ARL5B: variants seen among roughly 807,000 people sequenced by gnomAD.
The protein encoded by ARL5B is ARF like GTPase 5B, also known as ADP-ribosylation factor-like protein 5B.
In ARL5B, 10 loss-of-function variants were observed where a neutral mutation model predicts 26.9. The ratio of observed to expected loss-of-function variants is 0.37; its 90% CI spans 0.23 to 0.63. The LOEUF (loss-of-function observed/expected upper bound fraction) is 0.63, where lower values mean the gene tolerates loss of function less well. Among genes scored for constraint, ARL5B ranks in the 30% least tolerant of loss-of-function variants. The pLI is 0.62. For synonymous variants in ARL5B, 87 were observed against 70.4 expected, an observed-to-expected ratio of 1.24 and a Z score of -1.18; for missense variants, 167 against 213.9, an observed-to-expected ratio of 0.78 and a Z score of 1.37.
intron 1 of ARL5B, among the ~76,000 whole-genome samples, chr10:18,663,546 CTTTTTT>C (rs10645351): frequency 1.0e-5 from 1 of 97,948 alleles, no homozygotes; most frequent in African/African-American, 4.1e-5. Flanking sequence ...TTATTCTGCT[CTTTTTT>C]TTTTTTTTTT....
In ARL5B at chr10:18,675,227, T is replaced by C; in HGVS notation, c.*11T>C. The C allele has an allele frequency of 6.2e-7, 1 of 1,611,832 alleles. No homozygotes were observed. The highest frequency in any genetic ancestry group is 8.5e-7 in the Non-Finnish European group (1 of 1,177,948). Reference sequence around the variant, plus strand: ...ATTGGTGTGAGATAACTTTTTTGCTTGAAAGAGACTGCTCTATTTATTCTG... The same window carrying C: ...ATTGGTGTGAGATAACTTTTTTGCTCGAAAGAGACTGCTCTATTTATTCTG... On this transcript the variant is annotated 3_prime_UTR_variant, in exon 6 of 6. Coordinates refer to ENST00000377275, the MANE Select transcript of ARL5B (RefSeq NM_178815.5).
chr10:18,669,279 G>T (rs183905399), intron 3 of ARL5B, among the ~76,000 whole-genome samples: 3 of 152,220 alleles, frequency 2.0e-5, no homozygotes, highest in African/African-American at 7.2e-5. Context: ...TGTCTCCAGG[G>T]TTGGAGAGAT....
intron 1 of ARL5B, among the ~76,000 whole-genome samples, chr10:18,664,096 G>A (rs2059849654): frequency 6.6e-6 from 1 of 152,048 alleles, no homozygotes; most frequent in Admixed American, 6.6e-5. Flanking sequence ...TAGGACTATA[G>A]GCACCTGCCA....
chr10:18,681,132 G>C lies in ARL5B; in HGVS notation c.*5916G>C, dbSNP rs2059930304. 1 of 152,096 alleles carries C rather than the reference G, an allele frequency of 6.6e-6. No homozygotes were observed. Among genetic ancestry groups the C allele is most frequent in the South Asian group, 2.1e-4 (1 of 4,832 alleles). The allele number at this position is 152,096 out of a possible 1,614,324, so 9.4% of individuals were successfully genotyped here. A position where few individuals can be genotyped will look rare whatever the true frequency, so the allele number is the denominator to read the frequency against. ...ATTAATAAGGTCAGAATTAGGAATTGGATTGCTCTGTGGGTCCTCCGGTAT... is the reference window on the plus strand; with the variant it reads ...ATTAATAAGGTCAGAATTAGGAATTCGATTGCTCTGTGGGTCCTCCGGTAT... On this transcript the variant is annotated 3_prime_UTR_variant, in exon 6 of 6. Transcript: ENST00000377275.
intron 1 of ARL5B, among the ~76,000 whole-genome samples, chr10:18,661,127 G>A (rs2059833884): frequency 6.6e-6 from 1 of 152,216 alleles, no homozygotes; most frequent in Admixed American, 6.5e-5. Flanking sequence ...GGAATTACAG[G>A]TGTGAGCCAC....
At chr10:18,662,811 C>G in intron 1 of ARL5B, among the ~76,000 whole-genome samples, 1 of 151,360 alleles carries the variant, frequency 6.6e-6, no homozygotes, top group East Asian at 1.9e-4. Context: ...TCAAGCAATT[C>G]TCCTGCCTCA....
chr10:18,660,604 C>G lies in ARL5B; in HGVS notation c.46+921C>G, dbSNP rs559673478. Among the ~76,000 whole-genome samples, 5 of 152,204 alleles carry G rather than the reference C, an allele frequency of 3.3e-5. No homozygotes were observed. In the South Asian group the frequency reaches 1.0e-3, roughly 32 times the overall value. ...GTTACTGCTAATGTAGGTATCTAAT[C>G]TTTTTCTGGATTTAAGAAGTTGTGG... is the stretch of plus-strand genomic sequence containing the variant. On this transcript the variant is annotated intron_variant, in intron 1 of 5. Coordinates refer to ENST00000377275, the MANE Select transcript of ARL5B (RefSeq NM_178815.5).
chr10:18,674,171 T>C, intron 5 of ARL5B, 36 bp downstream of exon 5: 1 of 1,560,042 alleles, frequency 6.4e-7, no homozygotes, highest in East Asian at 2.3e-5. Context: ...TATGACTTCT[T>C]TCAAATTTCT....
At chr10:18,668,383 C>A in intron 2 of ARL5B, 147 bp from the exon 3 acceptor site, 1 of 732,890 alleles carries the variant, frequency 1.4e-6, no homozygotes, top group Non-Finnish European at 2.1e-6. Flanking sequence ...TATTGATTTG[C>A]GCAAGTGTTC....
rs540737636 is a variant in ARL5B at position 18,659,713 on chromosome 10, G to A, written c.46+30G>A. 5 of 1,604,998 alleles carry A rather than the reference G, an allele frequency of 3.1e-6. No individual in the cohort carries two copies. In the African/African-American group the frequency reaches 5.3e-5, roughly 17 times the overall value. Reference sequence around the variant, plus strand: ...GAAGAATGGAGCTGCGCGGCGGCTCGAATCCGAGGCAGAGGGTCCCGCCGC... The same window carrying A: ...GAAGAATGGAGCTGCGCGGCGGCTCAAATCCGAGGCAGAGGGTCCCGCCGC... On this transcript the variant is annotated intron_variant, in intron 1 of 5. Transcript: ENST00000377275.
At chr10:18,663,920 C>T (rs1314390913) in intron 1 of ARL5B, among the ~76,000 whole-genome samples, 1 of 151,798 alleles carries the variant, frequency 6.6e-6, no homozygotes, top group Non-Finnish European at 1.5e-5. Context: ...TATCATCTAT[C>T]TGCATCCTGT....
Position 18,668,592 on chromosome 10 carries a change from T to C in ARL5B, c.170T>C (p.Val57Ala). 1.9e-6 allele frequency: 3 copies of C among 1,614,144 alleles called. No homozygotes were observed. The highest frequency in any genetic ancestry group is 2.5e-6 in the Non-Finnish European group (3 of 1,180,010). Residue 57 changes from valine to alanine, a missense_variant, in exon 3 of 6, where the codon GTG (valine) becomes GCG (alanine). Coordinates refer to ENST00000377275, the MANE Select transcript of ARL5B (RefSeq NM_178815.5). ...GGAAGCAATGTTGAAGAAATAGTTG[T>C]GAAGAACACTCATTTTCTTATGTGG... ...TIGSNVEEIV[V>A]KNTHFLMWDI... is the part of the protein sequence containing the mutation.
At chr10:18,675,015 T>G (rs1446610297) in intron 5 of ARL5B, among the ~76,000 whole-genome samples, 153 bp from the exon 6 acceptor site, 3 of 152,160 alleles carry the variant, frequency 2.0e-5, no homozygotes, top group Non-Finnish European at 4.4e-5. Flanking sequence ...ATTTAAAAAT[T>G]TCACTTATTA....
At chr10:18,659,985 G>A (rs1321945738) in intron 1 of ARL5B, 2 of 970,000 alleles carry the variant, frequency 2.1e-6, no homozygotes, top group Admixed American at 6.2e-5. Flanking sequence ...CGTATGGAGG[G>A]CCTTTCTCGT....
chr10:18,666,685 G>A (rs377629823), intron 2 of ARL5B, 50 bp downstream of exon 2: 9 of 1,447,292 alleles, frequency 6.2e-6, no homozygotes, highest in East Asian at 2.3e-5. Context: ...TGAAACTAAT[G>A]TGTTTACAAT....
intron 1 of ARL5B, 33 bp downstream of exon 1, chr10:18,659,716 T>A: frequency 1.2e-6 from 2 of 1,603,910 alleles, no homozygotes; most frequent in Non-Finnish European, 1.7e-6. Context: ...GCGGCTCGAA[T>A]CCGAGGCAGA....
chr10:18,666,741 G>T, intron 2 of ARL5B, 106 bp downstream of exon 2: 1 of 855,504 alleles, frequency 1.2e-6, no homozygotes, highest in Non-Finnish European at 1.7e-6. Flanking sequence ...TTAAATATAT[G>T]TTTTTTGTTT....
rs745953146 is a variant in ARL5B, at chr10:18,668,648, T to G, written c.226T>G (p.Ser76Ala). The G allele has an allele frequency of 1.6e-5, 26 of 1,614,004 alleles. No individual in the cohort carries two copies. In the Admixed American group the frequency reaches 4.3e-4, roughly 27 times the overall value. The part of the protein sequence containing the change: ...DIGGQESLRS[S>A]WNTYYSNTEF... ...TGGTGGTCAGGAGTCTCTGCGATCA[T>G]CCTGGAACACATATTACTCAAATAC... Residue 76 changes from serine to alanine, a missense_variant, in exon 3 of 6, where the codon TCC becomes GCC. Ser to Ala is a moderately conservative substitution (Grantham distance 99). Coordinates refer to ENST00000377275, the MANE Select transcript of ARL5B (RefSeq NM_178815.5).
At chr10:18,673,236 A>AT (rs1250039451) in intron 4 of ARL5B, among the ~76,000 whole-genome samples, 3 of 151,514 alleles carry the variant, frequency 2.0e-5, no homozygotes, top group African/African-American at 7.3e-5. Context: ...TAATTTTTGT[A>AT]TTTTTAGTAG....
Sources: gnomAD v4.1 joint callset for allele counts (sites outside exome capture counted in the v4.1 genomes callset) on GRCh38, gnomAD v4.1.1 for gene constraint, MANE v1.5 for transcripts, NCBI Gene and HGNC (gene_info 2026-07-23, HGNC 2026-07-21) for gene names.